The following ASCC3 variants were observed in gnomAD, a reference collection of about 807,000 sequenced individuals.
The protein encoded by ASCC3 is ASC-1 complex subunit P200.
ASCC3 carries 158 observed loss-of-function variants against 256.3 expected under a neutral mutation model. The observed-to-expected ratio is 0.62, with a 90% CI of 0.54 to 0.70. ASCC3 has a LOEUF of 0.70. ASCC3 is among the 30% of genes least tolerant of loss of function. The pLI, the probability that ASCC3 is intolerant of heterozygous loss-of-function variation, is 0.00. For synonymous variants in ASCC3, 948 were observed against 883.4 expected, an observed-to-expected ratio of 1.07 and a Z score of -1.30; for missense variants, 2,259 against 2,626.0, an observed-to-expected ratio of 0.86 and a Z score of 3.05.
chr6:100,873,974 A>G (rs970796133), intron 1 of ASCC3, among the ~76,000 whole-genome samples: 5 of 152,242 alleles, frequency 3.3e-5, no homozygotes, highest in Non-Finnish European at 7.3e-5. Flanking sequence ...AAGGGAATGA[A>G]GCAAAGCACA....
chr6:100,795,853 G>A (rs1031029985), intron 8 of ASCC3, among the ~76,000 whole-genome samples: 1 of 152,026 alleles, frequency 6.6e-6, no homozygotes, highest in Admixed American at 6.6e-5. Flanking sequence ...ACACATAAAA[G>A]ATCCTACCTG....
At chr6:100,641,209 C>G (rs913545790) in intron 24 of ASCC3, among the ~76,000 whole-genome samples, 1 of 152,042 alleles carries the variant, frequency 6.6e-6, no homozygotes, top group Non-Finnish European at 1.5e-5. Flanking sequence ...TTCACGTCAC[C>G]AAAATTTAAA....
At chr6:100,692,870 A>G (rs945192522) in intron 13 of ASCC3, among the ~76,000 whole-genome samples, 1 of 152,124 alleles carries the variant, frequency 6.6e-6, no homozygotes, top group Non-Finnish European at 1.5e-5. Flanking sequence ...CAAGATCAAC[A>G]TAATGATGAT....
chr6:100,789,799 C>T (rs202015811), intron 8 of ASCC3, among the ~76,000 whole-genome samples: 2 of 151,818 alleles, frequency 1.3e-5, no homozygotes, highest in Non-Finnish European at 2.9e-5. Flanking sequence ...GATATTGTAC[C>T]GATGGCTTAA....
At chr6:100,693,804 AT>A (rs1366223967) in intron 13 of ASCC3, among the ~76,000 whole-genome samples, 2 of 152,068 alleles carry the variant, frequency 1.3e-5, no homozygotes, top group African/African-American at 2.4e-5. Context: ...CAGTTTAAAA[AT>A]TTTTTTTAGC....
intron 36 of ASCC3, among the ~76,000 whole-genome samples, chr6:100,569,650 C>T (rs1393116552): frequency 6.6e-6 from 1 of 152,168 alleles, no homozygotes; most frequent in East Asian, 1.9e-4. Flanking sequence ...TCCCAAAATG[C>T]TGGGATTACA....
chr6:100,848,085 A>C, intron 4 of ASCC3, 63 bp downstream of exon 4: 9 of 1,458,226 alleles, frequency 6.2e-6, no homozygotes, highest in Non-Finnish European at 8.2e-6. Flanking sequence ...CCCATGTTTA[A>C]AAAACACTAT....
intron 14 of ASCC3, among the ~76,000 whole-genome samples, chr6:100,668,642 C>T (rs1018953084): frequency 4.6e-5 from 7 of 151,848 alleles, no homozygotes; most frequent in Admixed American, 1.3e-4. Context: ...AACAATATCT[C>T]TCTTACAAAT....
chr6:100,879,051 T>C (rs1769149179), intron 1 of ASCC3, among the ~76,000 whole-genome samples: 1 of 152,180 alleles, frequency 6.6e-6, no homozygotes, highest in Non-Finnish European at 1.5e-5. Context: ...CCCCCCTCCT[T>C]GGGTTCGGTT....
intron 4 of ASCC3, among the ~76,000 whole-genome samples, chr6:100,811,526 A>T (rs922310159): frequency 6.6e-6 from 1 of 152,176 alleles, no homozygotes; most frequent in African/African-American, 2.4e-5. Context: ...TACAAAGGAC[A>T]GTTTATAGAA....
At chr6:100,782,223 T>C (rs1396431308) in intron 8 of ASCC3, among the ~76,000 whole-genome samples, 2 of 152,278 alleles carry the variant, frequency 1.3e-5, no homozygotes, top group South Asian at 2.1e-4. Context: ...TAGTGAGTTA[T>C]GAAATTAATT....
chr6:100,645,602 C>T (rs1398632669), intron 22 of ASCC3, among the ~76,000 whole-genome samples: 1 of 151,996 alleles, frequency 6.6e-6, no homozygotes, highest in Non-Finnish European at 1.5e-5. Context: ...CCTTGTTTTC[C>T]CTGATTGGCT....
At chr6:100,790,890 T>A (rs1460839037) in intron 8 of ASCC3, among the ~76,000 whole-genome samples, 2 of 151,874 alleles carry the variant, frequency 1.3e-5, no homozygotes, top group Admixed American at 6.6e-5. Context: ...TTTGCAAGTG[T>A]TCCCAGTAGA....
intron 37 of ASCC3, among the ~76,000 whole-genome samples, chr6:100,535,787 T>C (rs1775132025): frequency 6.6e-6 from 1 of 152,188 alleles, no homozygotes; most frequent in African/African-American, 2.4e-5. Context: ...TTCATCTCTT[T>C]ACAATGCAGT....
chr6:100,613,580 C>T (rs1273690152), intron 30 of ASCC3, among the ~76,000 whole-genome samples: 1 of 151,998 alleles, frequency 6.6e-6, no homozygotes, highest in East Asian at 1.9e-4. Context: ...CAATCATTTA[C>T]TGATGGATAC....
At chr6:100,842,654 T>C (rs945733979) in intron 4 of ASCC3, among the ~76,000 whole-genome samples, 6 of 152,192 alleles carry the variant, frequency 3.9e-5, no homozygotes, top group African/African-American at 1.4e-4. Flanking sequence ...TATAGTAATA[T>C]GATAGATTTA....
In ASCC3 at chr6:100,647,287, T is replaced by C. The variant is rs149367245; in HGVS notation, c.3417A>G (p.Thr1139=). ...QFSILPPHIL[T]RLEEKKLTVD... ...CAGTAAGCTTTTTTTCTTCTAATCT[T>C]GTTAGGATGTGTGGTGGTAGGATTG... The change falls in exon 21 of 42, where the codon ACA becomes ACG. Residue 1139 remains threonine (T), a synonymous_variant. Transcript: ENST00000369162. The C allele has an allele frequency of 8.7e-6, 14 of 1,613,926 alleles. No individual in the cohort carries two copies. Among genetic ancestry groups the C allele is most frequent in the Non-Finnish European group, 1.2e-5 (14 of 1,179,988 alleles).
rs149585493 is a variant in ASCC3, at chr6:100,879,602, T to C, written c.-42+1459A>G. On this transcript the variant is annotated intron_variant, in intron 1 of 41. Coordinates refer to ENST00000369162, the MANE Select transcript of ASCC3 (RefSeq NM_006828.4). ...AGGGGTTCCAGAGATACACAGGAGA[T>C]CAATCAGACCAAAGTGAAGACTGGA... Among the ~76,000 whole-genome samples the C allele has an allele frequency of 2.0e-3, 310 of 152,144 alleles. 1 individual carries two copies. Among genetic ancestry groups the C allele is most frequent in the African/African-American group, 7.2e-3 (300 of 41,490 alleles).
chr6:100,687,028 T>TCACACA (rs1201705191), intron 13 of ASCC3, among the ~76,000 whole-genome samples: 1,188 of 89,090 alleles, frequency 0.013, 11 homozygotes, highest in African/African-American at 0.037. Flanking sequence ...TCTCTCTCTC[T>TCACACA]CTCTCTCACA....
Sources: gnomAD v4.1 joint callset for allele counts (sites outside exome capture counted in the v4.1 genomes callset) on GRCh38, gnomAD v4.1.1 for gene constraint, MANE v1.5 for transcripts, NCBI Gene and HGNC (gene_info 2026-07-23, HGNC 2026-07-21) for gene names.